SREBF2: variants seen among roughly 807,000 people sequenced by gnomAD.
The protein encoded by SREBF2 is sterol regulatory element-binding protein 2.
In SREBF2, 55 loss-of-function variants were observed where a neutral mutation model predicts 113.1. That is an observed-to-expected ratio of 0.49 (90% CI 0.39 to 0.61). SREBF2 has a LOEUF of 0.61. Ranked by LOEUF, SREBF2 falls within the 20% of genes least tolerant of loss-of-function variation. SREBF2 has a pLI of 0.00. For missense variants in SREBF2, 1,349 were observed against 1,487.4 expected (o/e 0.91, Z 1.53); for synonymous variants, 593 against 605.7 (o/e 0.98, Z 0.31).
intron 13 of SREBF2, 123 bp downstream of exon 13, chr22:41,895,060 A>C (rs980960901): frequency 1.3e-6 from 1 of 745,092 alleles, no homozygotes; most frequent in Non-Finnish European, 2.4e-6. Context: ...GGGCAATCAA[A>C]TGGTTCCTTT....
intron 1 of SREBF2, among the ~76,000 whole-genome samples, chr22:41,838,359 G>C (rs950485677): frequency 6.6e-6 from 1 of 152,200 alleles, no homozygotes. Context: ...TACTGTAGAT[G>C]CAAGGTGTTT....
At position 41,902,901 on chromosome 22, in the gene SREBF2, G is replaced by A. The variant is rs2148421819; in HGVS notation, c.2908-69G>A. ...TGTTGGTCTGGGGAGAGGCCTGGTA[G>A]GTGCTAGGATCCTTGCCTCAGGGAT... On this transcript the variant is annotated intron_variant, in intron 16 of 18. Transcript: ENST00000361204. The A allele has an allele frequency of 2.0e-6, 3 of 1,512,090 alleles. No homozygotes were observed. The East Asian group carries it at 7.3e-5, about 37-fold the overall frequency. 93.7% of individuals were successfully genotyped at this position (1,512,090 alleles called of 1,614,324 possible).
At chr22:41,891,876 C>G (rs1200152068) in intron 11 of SREBF2, among the ~76,000 whole-genome samples, 4 of 152,210 alleles carry the variant, frequency 2.6e-5, no homozygotes, top group Admixed American at 2.6e-4. Context: ...AAAATACCCT[C>G]ACTCAAAAAG....
Position 41,884,879 on chromosome 22 carries a change from C to A in SREBF2, c.2076C>A (p.His692Gln). Residue 692 changes from histidine to glutamine, a missense_variant, in exon 11 of 19, where the codon CAC (histidine) becomes CAA (glutamine). By Grantham distance (24) the His-to-Gln change is conservative (BLOSUM62 0). Around this residue, in one of 2 missense-constraint regions of SREBF2, gnomAD observed 650 missense variants for 644.1 expected, o/e 1.01. Transcript: ENST00000361204. ...LPAGSACSDV[H>Q]MALCAVNLAE... ...CAGGATCCGCCTGTTCCGATGTACA[C>A]ATGGCGTTGTGTGCCGTGAACCTGG... The A allele has an allele frequency of 6.2e-7, 1 of 1,614,244 alleles. No homozygotes were observed. Among genetic ancestry groups the A allele is most frequent in the Non-Finnish European group, 8.5e-7 (1 of 1,180,046 alleles).
chr22:41,885,950 G>T (rs2077295343), intron 11 of SREBF2: 1 of 152,228 alleles, frequency 6.6e-6, no homozygotes, highest in Non-Finnish European at 1.5e-5. Flanking sequence ...TAGCCAGAAG[G>T]CTGAGAAGTG....
intron 10 of SREBF2, among the ~76,000 whole-genome samples, chr22:41,884,326 G>A (rs1236455528): frequency 1.3e-5 from 2 of 152,158 alleles, no homozygotes; most frequent in Admixed American, 1.3e-4. Flanking sequence ...TAGTAGAGAT[G>A]GGGTTTCACT....
intron 7 of SREBF2, 97 bp downstream of exon 7, chr22:41,875,821 A>G: frequency 7.3e-7 from 1 of 1,366,476 alleles, no homozygotes; most frequent in African/African-American, 1.4e-5. Flanking sequence ...GCCGCATGTT[A>G]AGAGGGCCTA....
At chr22:41,862,649 A>T (rs547408140) in intron 1 of SREBF2, among the ~76,000 whole-genome samples, 1 of 152,202 alleles carries the variant, frequency 6.6e-6, no homozygotes, top group South Asian at 2.1e-4. Context: ...CCATTAGGAC[A>T]TTCCCATGGG....
At chr22:41,900,025 G>C in intron 15 of SREBF2, 2 of 1,309,850 alleles carry the variant, frequency 1.5e-6, no homozygotes, top group Non-Finnish European at 2.0e-6. Context: ...TATAGGTAAG[G>C]AAACTGAGGC....
chr22:41,855,019 T>TTA (rs2076964961), intron 1 of SREBF2, among the ~76,000 whole-genome samples: 1 of 138,536 alleles, frequency 7.2e-6, no homozygotes, highest in Admixed American at 7.2e-5. Flanking sequence ...TGTGCAGCAT[T>TTA]AAAAAAAAAA....
At chr22:41,894,980 C>G in intron 13 of SREBF2, 43 bp downstream of exon 13, 2 of 1,524,276 alleles carry the variant, frequency 1.3e-6, no homozygotes, top group African/African-American at 1.4e-5. Context: ...GACCTGTCCA[C>G]GCAGGCAACT....
chr22:41,881,567 G>A (rs750854540), intron 10 of SREBF2, among the ~76,000 whole-genome samples: 1 of 152,212 alleles, frequency 6.6e-6, no homozygotes, highest in Non-Finnish European at 1.5e-5. Context: ...GAGCCTCTGG[G>A]CAGAGGGATG....
chr22:41,900,246 T>C, intron 15 of SREBF2, 84 bp from the exon 16 acceptor site: 2 of 1,578,318 alleles, frequency 1.3e-6, no homozygotes, highest in Non-Finnish European at 1.7e-6. Context: ...GTGTGGGGCG[T>C]GGCAGTCACT....
At chr22:41,898,154 A>C (rs2077432229) in intron 14 of SREBF2, among the ~76,000 whole-genome samples, 1 of 152,180 alleles carries the variant, frequency 6.6e-6, no homozygotes, top group Non-Finnish European at 1.5e-5. Flanking sequence ...CTTGTTGCCC[A>C]GGCTGGAGTG....
intron 1 of SREBF2, among the ~76,000 whole-genome samples, chr22:41,837,817 C>G (rs568555402): frequency 6.8e-6 from 1 of 147,770 alleles, no homozygotes; most frequent in South Asian, 2.1e-4. Flanking sequence ...GAGATCGCGC[C>G]ATTGCACTCC....
chr22:41,905,009 C>T lies in SREBF2; in HGVS notation c.3205+35C>T, dbSNP rs774800234. 7 of 1,534,480 alleles carry T rather than the reference C, an allele frequency of 4.6e-6. No homozygotes were observed. The African/African-American group carries it at 6.8e-5, about 15-fold the overall frequency. On this transcript the variant is annotated intron_variant, in intron 18 of 18. Coordinates refer to ENST00000361204, the MANE Select transcript of SREBF2 (RefSeq NM_004599.4). ...CCCCTCCCCAGCTCACAGGCTGGGC[C>T]AGGCCCTGCGCCCTAGGAAGAGAGG... is the stretch of plus-strand genomic sequence containing the variant.
chr22:41,880,309 T>C (rs968608654), intron 9 of SREBF2, among the ~76,000 whole-genome samples: 2 of 148,884 alleles, frequency 1.3e-5, no homozygotes, highest in African/African-American at 5.0e-5. Flanking sequence ...CCCAACACTT[T>C]GGAAGGCCGA....
intron 17 of SREBF2, among the ~76,000 whole-genome samples, chr22:41,903,898 A>C (rs1833799610): frequency 6.6e-6 from 1 of 152,180 alleles, no homozygotes; most frequent in African/African-American, 2.4e-5. Context: ...GCAGCAAGCC[A>C]AGACAGACAC....
At chr22:41,885,523 A>G (rs371555561) in intron 11 of SREBF2, 2 of 188,274 alleles carry the variant, frequency 1.1e-5, no homozygotes, top group Non-Finnish European at 2.3e-5. Flanking sequence ...AGTAAAAGAA[A>G]ACCTGTGCCT....
Sources: allele counts gnomAD v4.1 joint callset (sites outside exome capture counted in the v4.1 genomes callset), GRCh38; gene constraint gnomAD v4.1.1; regional missense constraint gnomAD v4.1.1; transcripts MANE v1.5; gene names NCBI Gene and HGNC (gene_info 2026-07-23, HGNC 2026-07-21).